Variants in RPA1 observed in about 807,000 individuals in gnomAD.
The protein encoded by RPA1 is replication protein A1, also known as replication protein A 70 kDa DNA-binding subunit.
Under a neutral mutation model 83.0 loss-of-function variants are expected in RPA1, and 49 were observed. That is an observed-to-expected ratio of 0.59 (90% CI 0.47 to 0.75). The LOEUF is 0.75. RPA1 is among the 30% of genes least tolerant of loss of function. The pLI is 0.00. For missense variants in RPA1, 693 were observed against 776.1 expected (o/e 0.89, Z 1.27); for synonymous variants, 279 against 281.8 (o/e 0.99, Z 0.10).
intron 13 of RPA1, among the ~76,000 whole-genome samples, chr17:1,887,544 C>T (rs549966521): frequency 8.2e-5 from 12 of 146,426 alleles, no homozygotes; most frequent in African/African-American, 2.0e-4. Flanking sequence ...GGTGACAGAG[C>T]GAGACTCCGT....
At chr17:1,876,837 A>G (rs1399535701) in intron 7 of RPA1, among the ~76,000 whole-genome samples, 2 of 152,232 alleles carry the variant, frequency 1.3e-5, no homozygotes, top group Non-Finnish European at 2.9e-5. Flanking sequence ...GTGTAACACC[A>G]GTTATATCAG....
At chr17:1,883,154 C>T (rs975728373) in intron 12 of RPA1, among the ~76,000 whole-genome samples, 12 of 152,114 alleles carry the variant, frequency 7.9e-5, no homozygotes, top group African/African-American at 2.9e-4. Flanking sequence ...GACCCCATCT[C>T]TTAAAAAAAT....
At chr17:1,846,012 T>A (rs1407812202) in intron 4 of RPA1, among the ~76,000 whole-genome samples, 2 of 152,232 alleles carry the variant, frequency 1.3e-5, no homozygotes, top group Non-Finnish European at 2.9e-5. Context: ...ATTAGTTTTT[T>A]AAATTCTGTT....
chr17:1,842,044 C>T (rs953645549), intron 1 of RPA1, among the ~76,000 whole-genome samples: 2 of 151,894 alleles, frequency 1.3e-5, no homozygotes, highest in Non-Finnish European at 2.9e-5. Flanking sequence ...TTTTTTTAAA[C>T]AGAGTCTCGC....
At chr17:1,858,703 G>A (rs192776067) in intron 5 of RPA1, among the ~76,000 whole-genome samples, 15 of 151,890 alleles carry the variant, frequency 9.9e-5, no homozygotes, top group Admixed American at 5.9e-4. Flanking sequence ...GCCCTCAAGT[G>A]ATCTGCGTGC....
chr17:1,885,639 A>G (rs1004926134), intron 13 of RPA1, among the ~76,000 whole-genome samples: 3 of 152,086 alleles, frequency 2.0e-5, no homozygotes, highest in East Asian at 1.9e-4. Flanking sequence ...GAGTTGTGTC[A>G]TGTTGCCCAG....
intron 1 of RPA1, among the ~76,000 whole-genome samples, chr17:1,837,383 A>AT (rs1597416300): frequency 6.6e-6 from 1 of 152,122 alleles, no homozygotes; most frequent in East Asian, 1.9e-4. Flanking sequence ...ATTATTGCAC[A>AT]TTTGGGTTAT....
Position 1,898,990 on chromosome 17 carries a change from C to T in RPA1, c.*1815C>T, listed in dbSNP as rs1358154887. On this transcript the variant is annotated 3_prime_UTR_variant, in exon 17 of 17. Transcript: ENST00000254719. Reference sequence around the variant, plus strand: ...AGCATTCCCTCCTCTCCCCACGTGTCTGTCCACACAGTGAAGAGGCCTGAC... The same window carrying T: ...AGCATTCCCTCCTCTCCCCACGTGTTTGTCCACACAGTGAAGAGGCCTGAC... The T allele has an allele frequency of 6.5e-6, 1 of 152,926 alleles. No homozygotes were observed. Among genetic ancestry groups the T allele is most frequent in the Non-Finnish European group, 1.5e-5 (1 of 68,138 alleles). 9.5% of individuals were successfully genotyped at this position (152,926 alleles called of 1,614,324 possible).
At chr17:1,875,994 A>T (rs918661550) in intron 7 of RPA1, among the ~76,000 whole-genome samples, 1 of 152,002 alleles carries the variant, frequency 6.6e-6, no homozygotes, top group African/African-American at 2.4e-5. Flanking sequence ...TTGTTGGAAA[A>T]TATAGTAACA....
intron 4 of RPA1, among the ~76,000 whole-genome samples, chr17:1,850,432 G>A (rs142116633): frequency 0.023 from 3,529 of 151,534 alleles, 67 homozygotes; most frequent in Non-Finnish European, 0.035. Flanking sequence ...AGCTACTCGG[G>A]AGGCTGAGGC....
rs970699037 is a variant in RPA1, at chr17:1,884,590, C to T, written c.1374+646C>T. 6.6e-6 allele frequency among the ~76,000 whole-genome samples: 1 copy of T among 152,180 alleles called. No individual in the cohort carries two copies. Among genetic ancestry groups the T allele is most frequent in the Admixed American group, 6.5e-5 (1 of 15,280 alleles). On this transcript the variant is annotated intron_variant, in intron 13 of 16. Transcript: ENST00000254719. This position sits in a 1 kb window ranked among gnomAD's most constrained non-coding sequence, Gnocchi z 4.1. ...TTTACGCCTGCTCTTTTATTTTCAT[C>T]ATATACAGTGTAGGTTTCATTCCTC...
In RPA1 at chr17:1,897,302, T is replaced by C. The variant is rs1597466017; in HGVS notation, c.*127T>C. 2.8e-6 allele frequency: 2 copies of C among 718,550 alleles called. No individual in the cohort carries two copies. The highest frequency in any genetic ancestry group is 5.7e-5 in the Admixed American group (2 of 35,192). The allele number at this position is 718,550 out of a possible 1,614,324, so 44.5% of individuals were successfully genotyped here. A position where few individuals can be genotyped will look rare whatever the true frequency, so the allele number is the denominator to read the frequency against. ...GGCTCTTGATGGTGGACTAAGCAAT[T>C]TCCCCCCTCGTGCGCATCTCAGAAC... On this transcript the variant is annotated 3_prime_UTR_variant, in exon 17 of 17. Coordinates refer to ENST00000254719, the MANE Select transcript of RPA1 (RefSeq NM_002945.5).
intron 5 of RPA1, among the ~76,000 whole-genome samples, chr17:1,870,844 A>AG (rs1913351763): frequency 6.6e-6 from 1 of 152,178 alleles, no homozygotes; most frequent in South Asian, 2.1e-4. Flanking sequence ...GATAGAAGAG[A>AG]GGGAGGAAGT....
chr17:1,883,855 G>A lies in RPA1; in HGVS notation c.1285G>A (p.Asp429Asn). ...GQALDGVSISDLKSGGVGGSN... is the reference protein window; with the variant it reads ...GQALDGVSISNLKSGGVGGSN... ...AGCCTTAGATGGTGTTTCCATCTCT[G>A]ATCTAAAGAGCGGCGGAGTCGGAGG... Residue 429 changes from aspartate (D) to asparagine (N), a missense_variant, in exon 13 of 17, where the codon GAT becomes AAT. Transcript: ENST00000254719. 1.9e-6 allele frequency: 3 copies of A among 1,614,180 alleles called. No individual in the cohort carries two copies. The highest frequency in any genetic ancestry group is 2.2e-5 in the East Asian group (1 of 44,882).
At chr17:1,883,289 G>A (rs1332798640) in intron 12 of RPA1, among the ~76,000 whole-genome samples, 3 of 151,994 alleles carry the variant, frequency 2.0e-5, no homozygotes, top group Admixed American at 6.6e-5. Context: ...TCAGCCTCCC[G>A]AGTAGCTGGG....
intron 5 of RPA1, chr17:1,854,146 A>G (rs1394160047): frequency 6.6e-6 from 1 of 152,220 alleles, no homozygotes; most frequent in African/African-American, 2.4e-5. Context: ...AAGAAGCTGA[A>G]AAAAAAGTCA....
intron 5 of RPA1, among the ~76,000 whole-genome samples, chr17:1,865,821 G>A (rs538989810): frequency 6.6e-6 from 1 of 152,280 alleles, no homozygotes; most frequent in East Asian, 1.9e-4. Flanking sequence ...TTTTAATAGA[G>A]ATGAGACCTC....
intron 5 of RPA1, among the ~76,000 whole-genome samples, chr17:1,870,896 C>T (rs1913354101): frequency 6.6e-6 from 1 of 152,130 alleles, no homozygotes. Context: ...TTATGGTACT[C>T]TTCTGTTTTT....
At chr17:1,864,249 A>C (rs1196870543) in intron 5 of RPA1, among the ~76,000 whole-genome samples, 1 of 152,222 alleles carries the variant, frequency 6.6e-6, no homozygotes, top group African/African-American at 2.4e-5. Flanking sequence ...TAAATTTACC[A>C]ATATATGCGG....
Sources: allele counts gnomAD v4.1 joint callset (sites outside exome capture counted in the v4.1 genomes callset), GRCh38; gene constraint gnomAD v4.1.1; non-coding constraint Gnocchi (gnomAD v3.1); transcripts MANE v1.5; gene names NCBI Gene and HGNC (gene_info 2026-07-23, HGNC 2026-07-21).